AHCYL2: variants seen among roughly 807,000 people sequenced by gnomAD.
AHCYL2 encodes the protein adenosylhomocysteinase like 2.
In AHCYL2, 28 loss-of-function variants were observed where a neutral mutation model predicts 81.4. The observed-to-expected ratio is 0.34, with a 90% CI of 0.25 to 0.47. The LOEUF is 0.47. AHCYL2 is among the 20% of genes least tolerant of loss of function. AHCYL2 has a pLI of 1.00. For missense variants in AHCYL2, 551 were observed against 785.1 expected (o/e 0.70, Z 3.56); for synonymous variants, 272 against 290.2 (o/e 0.94, Z 0.64).
rs1187653421 is a variant in AHCYL2 at position 129,406,616 on chromosome 7, G to A, written c.1295+150G>A. The A allele has an allele frequency of 1.3e-6, 1 of 764,246 alleles. No homozygotes were observed. The highest frequency in any genetic ancestry group is 1.7e-5 in the African/African-American group (1 of 57,890). The allele number at this position is 764,246 out of a possible 1,614,324, so 47.3% of individuals were successfully genotyped here. On this transcript the variant is annotated intron_variant, in intron 10 of 16. Transcript: ENST00000325006. The surrounding 1 kb of genome is among the most constrained non-coding windows in gnomAD (Gnocchi z 4.3). ...ATCTGTCTTTTAAAAAGGTCAAGGA[G>A]CTCTGCTTGGAGAGAGCAGAGACTA...
chr7:129,255,748 C>T (rs1441950379), intron 1 of AHCYL2, among the ~76,000 whole-genome samples: 4 of 151,882 alleles, frequency 2.6e-5, no homozygotes, highest in East Asian at 3.9e-4. Context: ...TTTGGGAGGC[C>T]GAGGTTGGGA....
intron 1 of AHCYL2, among the ~76,000 whole-genome samples, chr7:129,255,449 C>T (rs1288670892): frequency 6.6e-6 from 1 of 152,084 alleles, no homozygotes; most frequent in African/African-American, 2.4e-5. Flanking sequence ...ATTTGACTAG[C>T]CACATTTCAA....
At chr7:129,388,879 T>C (rs1274134318) in intron 2 of AHCYL2, 177 bp from the exon 3 acceptor site, 4 of 591,746 alleles carry the variant, frequency 6.8e-6, no homozygotes, top group Non-Finnish European at 1.1e-5. Flanking sequence ...AAGAATGTCT[T>C]TGGCAATCTC....
intron 1 of AHCYL2, among the ~76,000 whole-genome samples, chr7:129,249,331 G>A (rs905012402): frequency 2.0e-5 from 3 of 151,880 alleles, no homozygotes; most frequent in African/African-American, 7.3e-5. Flanking sequence ...CAATTCATTG[G>A]CATTAAGTAC....
At chr7:129,418,126 G>C (rs1012257062) in intron 12 of AHCYL2, among the ~76,000 whole-genome samples, 1 of 152,080 alleles carries the variant, frequency 6.6e-6, no homozygotes, top group Non-Finnish European at 1.5e-5. Context: ...ACTGTAGCAG[G>C]AACATTGGGC....
chr7:129,313,917 A>G (rs1222273800), intron 1 of AHCYL2, among the ~76,000 whole-genome samples: 1 of 152,226 alleles, frequency 6.6e-6, no homozygotes, highest in Admixed American at 6.5e-5. Flanking sequence ...GATAAAATAC[A>G]GTATTTGAAT....
Position 129,428,892 on chromosome 7 carries a change from C to T in AHCYL2, c.*1847C>T, listed in dbSNP as rs1380040196. The T allele has an allele frequency of 6.6e-6, 1 of 152,190 alleles. No homozygotes were observed. The highest frequency in any genetic ancestry group is 2.4e-5 in the African/African-American group (1 of 41,442). The allele number at this position is 152,190 out of a possible 1,614,324, so 9.4% of individuals were successfully genotyped here. On this transcript the variant is annotated 3_prime_UTR_variant, in exon 17 of 17. Coordinates refer to ENST00000325006, the MANE Select transcript of AHCYL2 (RefSeq NM_015328.4). Reference sequence around the variant, plus strand: ...AAGATCATAAATGCTAAAAATTCCACTAAGCCATTCAGTTCTTCCTTTTGC... The same window carrying T: ...AAGATCATAAATGCTAAAAATTCCATTAAGCCATTCAGTTCTTCCTTTTGC...
chr7:129,256,018 G>T (rs1356619255), intron 1 of AHCYL2, among the ~76,000 whole-genome samples: 1 of 152,016 alleles, frequency 6.6e-6, no homozygotes, highest in Non-Finnish European at 1.5e-5. Flanking sequence ...GTCATTGCAA[G>T]GAGGCAGTGC....
At chr7:129,387,378 C>T (rs1303917679) in intron 2 of AHCYL2, among the ~76,000 whole-genome samples, 3 of 152,188 alleles carry the variant, frequency 2.0e-5, no homozygotes, top group African/African-American at 2.4e-5. Context: ...CTCTTTCAAA[C>T]GGATCAGCTC....
intron 1 of AHCYL2, among the ~76,000 whole-genome samples, chr7:129,235,827 CAATT>C (rs1457280133): frequency 1.3e-5 from 2 of 152,106 alleles, no homozygotes; most frequent in South Asian, 2.1e-4. Flanking sequence ...TTTAACTGCT[CAATT>C]AATTTCCTAA....
At chr7:129,323,150 A>G (rs1447523476) in intron 1 of AHCYL2, among the ~76,000 whole-genome samples, 2 of 151,986 alleles carry the variant, frequency 1.3e-5, no homozygotes, top group African/African-American at 2.4e-5. Flanking sequence ...TTCTTTTTCT[A>G]GTTTCTTAAG....
chr7:129,270,702 T>A (rs907186073), intron 1 of AHCYL2, among the ~76,000 whole-genome samples: 2 of 152,164 alleles, frequency 1.3e-5, no homozygotes, highest in African/African-American at 4.8e-5. Context: ...ATAAGAGACT[T>A]TTTTACTCCC....
intron 1 of AHCYL2, among the ~76,000 whole-genome samples, chr7:129,299,742 G>C (rs908751570): frequency 5.3e-5 from 8 of 152,028 alleles, no homozygotes; most frequent in African/African-American, 1.9e-4. Context: ...CTTGTCAGAG[G>C]GGTGTTGTAC....
At chr7:129,277,901 C>CAT (rs1272493608) in intron 1 of AHCYL2, among the ~76,000 whole-genome samples, 1 of 152,140 alleles carries the variant, frequency 6.6e-6, no homozygotes, top group African/African-American at 2.4e-5. Flanking sequence ...CTTCTGTGAA[C>CAT]ATTTATTAGA....
chr7:129,351,605 C>T (rs928548553), intron 1 of AHCYL2: 2 of 152,192 alleles, frequency 1.3e-5, no homozygotes, highest in Admixed American at 1.3e-4. Context: ...TTGGGTCTTG[C>T]AAAATTTATT....
chr7:129,277,481 T>A (rs1034923823), intron 1 of AHCYL2, among the ~76,000 whole-genome samples: 1 of 152,116 alleles, frequency 6.6e-6, no homozygotes, highest in Non-Finnish European at 1.5e-5. Context: ...GGTTTTGCCA[T>A]GTTGCCCAGG....
At chr7:129,304,772 C>T (rs1034754692) in intron 1 of AHCYL2, among the ~76,000 whole-genome samples, 1 of 151,570 alleles carries the variant, frequency 6.6e-6, no homozygotes, top group Admixed American at 6.6e-5. Flanking sequence ...CTATATGTTT[C>T]TTTAAAGGTG....
intron 1 of AHCYL2, among the ~76,000 whole-genome samples, chr7:129,373,462 T>C (rs965018024): frequency 6.6e-6 from 1 of 151,714 alleles, no homozygotes; most frequent in African/African-American, 2.4e-5. Flanking sequence ...TAGCCAGGCG[T>C]GGTGGCATGC....
chr7:129,271,358 CCAAAA>C (rs1466119203), intron 1 of AHCYL2, among the ~76,000 whole-genome samples: 4 of 25,396 alleles, frequency 1.6e-4, no homozygotes, highest in Non-Finnish European at 4.0e-4. Context: ...GAGACTGTCT[CCAAAA>C]AAAAAAAAAA....
Sources: allele counts gnomAD v4.1 joint callset (sites outside exome capture counted in the v4.1 genomes callset), GRCh38; gene constraint gnomAD v4.1.1; non-coding constraint Gnocchi (gnomAD v3.1); transcripts MANE v1.5; gene names NCBI Gene and HGNC (gene_info 2026-07-23, HGNC 2026-07-21).